UBE2D3: variants seen among roughly 807,000 people sequenced by gnomAD.
UBE2D3 encodes ubiquitin-conjugating enzyme E2 D3.
UBE2D3 carries 2 observed loss-of-function variants against 22.8 expected under a neutral mutation model. The observed-to-expected ratio is 0.09, with a 90% CI of 0.04 to 0.28. UBE2D3 has a LOEUF of 0.28. Ranked by LOEUF, UBE2D3 falls within the 10% of genes least tolerant of loss-of-function variation. The pLI is 1.00. For synonymous variants in UBE2D3, 56 were observed against 60.4 expected, an observed-to-expected ratio of 0.93 and a Z score of 0.34; for missense variants, 27 against 182.5, an observed-to-expected ratio of 0.15 and a Z score of 4.91.
At position 102,809,721 on chromosome 4, in the gene UBE2D3, A is replaced by G; in HGVS notation, c.89-18T>C. The G allele has an allele frequency of 6.2e-7, 1 of 1,612,586 alleles. No homozygotes were observed. ...ATGAAACACTAGAAAAAGAAAAAAAACTCTGGTTATCTAAAAATGCACAAG... is the reference window on the plus strand; with the variant it reads ...ATGAAACACTAGAAAAAGAAAAAAAGCTCTGGTTATCTAAAAATGCACAAG... On this transcript the variant is annotated intron_variant, in intron 3 of 7. Coordinates refer to ENST00000453744, the MANE Select transcript of UBE2D3 (RefSeq NM_181891.3).
chr4:102,866,165 A>G (rs965541590), intron 1 of UBE2D3, among the ~76,000 whole-genome samples: 1 of 151,608 alleles, frequency 6.6e-6, no homozygotes, highest in Admixed American at 6.6e-5. Flanking sequence ...GTTAGGAATT[A>G]TCTCCTATTA....
At chr4:102,827,829 T>A (rs1004685984), upstream of UBE2D3, 12 of 986,014 alleles carry the variant, frequency 1.2e-5, no homozygotes, top group Admixed American at 7.4e-4. Context: ...CGGAAACCCT[T>A]AGGCTCAGAG....
chr4:102,848,241 T>G (rs1243439259), intron 1 of UBE2D3, among the ~76,000 whole-genome samples: 1 of 152,090 alleles, frequency 6.6e-6, no homozygotes, highest in Non-Finnish European at 1.5e-5. Context: ...CTGGGCACAG[T>G]GACTCCTTCC....
chr4:102,803,512 C>G (rs1392491358), intron 4 of UBE2D3, among the ~76,000 whole-genome samples: 1 of 152,168 alleles, frequency 6.6e-6, no homozygotes, highest in East Asian at 1.9e-4. Flanking sequence ...CACAGCTCAT[C>G]TAATTCCTAC....
intron 1 of UBE2D3, among the ~76,000 whole-genome samples, chr4:102,833,173 C>T (rs564495935): frequency 1.3e-5 from 2 of 149,714 alleles, no homozygotes; most frequent in African/African-American, 4.9e-5. Flanking sequence ...CAAATCTCCT[C>T]TTGAAACTCA....
intron 1 of UBE2D3, among the ~76,000 whole-genome samples, chr4:102,861,619 G>A (rs902167267): frequency 6.6e-6 from 1 of 151,874 alleles, no homozygotes; most frequent in Non-Finnish European, 1.5e-5. Context: ...ATAAGAATCT[G>A]CCTTGTTATT....
intron 1 of UBE2D3, among the ~76,000 whole-genome samples, chr4:102,865,977 C>G (rs2110385033): frequency 6.6e-6 from 1 of 152,224 alleles, no homozygotes; most frequent in Non-Finnish European, 1.5e-5. Context: ...GTCAGATAAG[C>G]CTATTACATC....
At chr4:102,856,470 G>C (rs1477805249) in intron 1 of UBE2D3, among the ~76,000 whole-genome samples, 2 of 152,160 alleles carry the variant, frequency 1.3e-5, no homozygotes, top group Admixed American at 1.3e-4. Context: ...TAATATTTTT[G>C]TGCAGTTAAA....
chr4:102,804,621 A>T (rs896150832), intron 4 of UBE2D3, among the ~76,000 whole-genome samples: 3 of 152,152 alleles, frequency 2.0e-5, no homozygotes, highest in African/African-American at 7.2e-5. Flanking sequence ...ACTATACAAG[A>T]TATGTTTTTT....
chr4:102,811,763 A>AAAGAT (rs1728077480), intron 2 of UBE2D3: 2 of 448,014 alleles, frequency 4.5e-6, no homozygotes, highest in South Asian at 3.2e-5. Context: ...CCTAAATAAA[A>AAAGAT]AAGATACAAC....
rs776676877 is a variant in UBE2D3 at position 102,826,542 on chromosome 4, C to T, written c.-34G>A. On this transcript the variant is annotated 5_prime_UTR_variant, in exon 2 of 8. Transcript: ENST00000453744. ...CTTGTCGTCTGGCTCCTCACTCTCT[C>T]GGTGTATGCTCAAAGGTCCGGCCAA... 6.8e-6 allele frequency: 11 copies of T among 1,612,248 alleles called. No homozygotes were observed. Among genetic ancestry groups the T allele is most frequent in the Non-Finnish European group, 9.3e-6 (11 of 1,179,980 alleles).
intron 4 of UBE2D3, among the ~76,000 whole-genome samples, chr4:102,807,913 TA>T (rs1351097312): frequency 1.6e-4 from 25 of 152,226 alleles, no homozygotes; most frequent in Admixed American, 1.6e-3. Context: ...CAACTAGTTT[TA>T]AAGAGTTAGT....
intron 2 of UBE2D3, chr4:102,812,864 A>T (rs1304543526): frequency 6.6e-6 from 1 of 152,206 alleles, no homozygotes; most frequent in Non-Finnish European, 1.5e-5. Flanking sequence ...TAGCTCCCAG[A>T]GGGCATTTTG....
intron 1 of UBE2D3, among the ~76,000 whole-genome samples, chr4:102,860,404 G>GGTGTGTGTGTGTGTGTGTGTGT (rs540255423): frequency 8.1e-6 from 1 of 122,752 alleles, no homozygotes; most frequent in East Asian, 2.3e-4. Context: ...ATGTTTTCCT[G>GGTGTGTGTGTGTGTGTGTGTGT]GTGTGTGTGT....
chr4:102,825,416 G>T, intron 2 of UBE2D3: 2 of 1,046,936 alleles, frequency 1.9e-6, no homozygotes, highest in Non-Finnish European at 2.3e-6. Flanking sequence ...TTGAGCAGAG[G>T]ATCTTAGAGC....
Position 102,827,435 on chromosome 4 carries a change from C to CG in UBE2D3, c.-138dup. On this transcript the variant is annotated 5_prime_UTR_variant, in exon 1 of 8. Transcript: ENST00000453744. ...TCCACACCCACGCGTACAGAGGGGC[C>CG]GGGGCCTCCCTCAAGCTGCGGCCTC... 3.0e-6 allele frequency: 3 copies of CG among 986,168 alleles called. No homozygotes were observed. Among genetic ancestry groups the CG allele is most frequent in the Non-Finnish European group, 3.6e-6 (3 of 830,160 alleles). The allele number at this position is 986,168 out of a possible 1,614,324, so 61.1% of individuals were successfully genotyped here.
chr4:102,825,380 T>G, intron 2 of UBE2D3: 1 of 1,025,712 alleles, frequency 9.7e-7, no homozygotes, highest in Non-Finnish European at 1.2e-6. Context: ...GGAAATACAG[T>G]TTAAGAGTTT....
chr4:102,842,060 ATACTTT>A lies in UBE2D3; in HGVS notation c.-128-15430_-128-15425del, dbSNP rs142681620. Among the ~76,000 whole-genome samples the A allele has an allele frequency of 6.0e-4, 91 of 152,292 alleles. 2 individuals carry two copies. The East Asian group carries it at 0.016, about 27-fold the overall frequency. Reference sequence around the variant, plus strand: ...CTGTGATCCTCATATTCTTTTGAACATACTTTTACTTTTCTAAGAGTATGCCTTTGC... The same window carrying A: ...CTGTGATCCTCATATTCTTTTGAACATACTTTTCTAAGAGTATGCCTTTGC... On this transcript the variant is annotated intron_variant, in intron 1 of 7. Transcript: ENST00000338145.
At position 102,818,591 on chromosome 4, in the gene UBE2D3, C is replaced by T. The variant is rs1408295743; in HGVS notation, c.24+7894G>A. Among the ~76,000 whole-genome samples, 10 of 152,230 alleles carry T rather than the reference C, an allele frequency of 6.6e-5. No homozygotes were observed. The East Asian group carries it at 1.7e-3, about 26-fold the overall frequency. On this transcript the variant is annotated intron_variant, in intron 2 of 7. Coordinates refer to ENST00000453744, the MANE Select transcript of UBE2D3 (RefSeq NM_181891.3). ...GACTTTACACAACTGAGTTGTTTGC[C>T]TATTTCCTGAAGACCTGGTGGGCAC...
Sources: allele counts gnomAD v4.1 joint callset (sites outside exome capture counted in the v4.1 genomes callset), GRCh38; gene constraint gnomAD v4.1.1; transcripts MANE v1.5; gene names NCBI Gene and HGNC (gene_info 2026-07-23, HGNC 2026-07-21).